The following ERICH3 variants were observed in gnomAD, a reference collection of about 807,000 sequenced individuals.
ERICH3 encodes glutamate rich 3.
A neutral mutation model predicts 131.1 loss-of-function variants in ERICH3; 126 were observed. The observed-to-expected ratio is 0.96, with a 90% CI of 0.83 to 1.11. ERICH3 has a LOEUF of 1.11. Among genes scored for constraint, ERICH3 ranks in the 50% most tolerant of loss-of-function variants. ERICH3 has a pLI of 0.00. For synonymous variants in ERICH3, 695 were observed against 644.6 expected (o/e 1.08, Z -1.18); for missense variants, 2,050 against 1,810.7 (o/e 1.13, Z -2.40).
At chr1:74,597,520 T>C (rs1647911505) in intron 11 of ERICH3, among the ~76,000 whole-genome samples, 1 of 152,042 alleles carries the variant, frequency 6.6e-6, no homozygotes, top group East Asian at 1.9e-4. Flanking sequence ...TTTCATTGCA[T>C]ATCTATTTAA....
Position 74,606,839 on chromosome 1 carries a change from G to A in ERICH3, c.1251C>T (p.Ser417=). Residue 417 remains serine (S), a synonymous_variant, in exon 10 of 15, where the codon AGC becomes AGT. Coordinates refer to ENST00000326665, the MANE Select transcript of ERICH3 (RefSeq NM_001002912.5). The part of the protein sequence containing the change: ...PSLPKSRKEK[S]TEKGEELKKA... ...TCTTCAGTTCCTCTCCTTTCTCAGT[G>A]CTCTTTTCTTTCCTAGATTTCGGCA... is the stretch of plus-strand genomic sequence containing the variant. The A allele has an allele frequency of 1.9e-6, 3 of 1,612,688 alleles. No homozygotes were observed. The highest frequency in any genetic ancestry group is 2.5e-6 in the Non-Finnish European group (3 of 1,179,328).
At chr1:74,603,140 AC>A (rs1648224245) in intron 10 of ERICH3, among the ~76,000 whole-genome samples, 1 of 151,810 alleles carries the variant, frequency 6.6e-6, no homozygotes, top group Non-Finnish European at 1.5e-5. Context: ...AGGTACCCCA[AC>A]CCATGGTTAT....
intron 4 of ERICH3, among the ~76,000 whole-genome samples, chr1:74,641,765 A>G (rs1330497584): frequency 6.6e-6 from 1 of 152,130 alleles, no homozygotes; most frequent in Non-Finnish European, 1.5e-5. Context: ...GACTACCAGA[A>G]ATAGTACTTT....
intron 6 of ERICH3, among the ~76,000 whole-genome samples, chr1:74,634,511 A>G (rs1395661475): frequency 6.6e-6 from 1 of 152,082 alleles, no homozygotes; most frequent in Non-Finnish European, 1.5e-5. Context: ...GGCTCAGAAC[A>G]GATTTGAAGA....
chr1:74,654,143 A>C (rs558262992), intron 1 of ERICH3, among the ~76,000 whole-genome samples: 3 of 152,198 alleles, frequency 2.0e-5, no homozygotes, highest in African/African-American at 7.2e-5. Context: ...TGTAGTCTCT[A>C]AGAAGATGGA....
chr1:74,640,734 A>C (rs1402221629), intron 5 of ERICH3, among the ~76,000 whole-genome samples: 1 of 152,160 alleles, frequency 6.6e-6, no homozygotes, highest in African/African-American at 2.4e-5. Context: ...CTTCAGATAG[A>C]ATTTCTGTAC....
intron 11 of ERICH3, among the ~76,000 whole-genome samples, chr1:74,590,887 AT>A (rs541863002): frequency 4.6e-5 from 7 of 152,308 alleles, no homozygotes; most frequent in South Asian, 2.1e-4. Flanking sequence ...TTTGAAAGCC[AT>A]TTTTTATTGA....
chr1:74,593,796 C>T (rs980358270), intron 11 of ERICH3, among the ~76,000 whole-genome samples: 1 of 152,068 alleles, frequency 6.6e-6, no homozygotes, highest in Non-Finnish European at 1.5e-5. Flanking sequence ...TTCAACAGTA[C>T]CCAATGTCCA....
intron 10 of ERICH3, among the ~76,000 whole-genome samples, chr1:74,605,846 G>A (rs1460168751): frequency 2.0e-5 from 3 of 151,890 alleles, no homozygotes; most frequent in African/African-American, 4.8e-5. Context: ...AGCACATGCT[G>A]TTGGAAAAAT....
In ERICH3 at chr1:74,573,249, A is replaced by G; in HGVS notation, c.2461T>C (p.Leu821=). ...CTTTTTTCTGTAAACTCTTCTGCCA[A>G]TTCTGGCTGCTCTGCTGTTGGCTTC... ...AWKPTAEQPE[L]AEEFTEKREI... is the part of the protein sequence containing the mutation. The change falls in exon 14 of 15, where the codon TTG becomes CTG. Residue 821 remains leucine, a synonymous_variant. Transcript: ENST00000326665. 3 of 1,600,738 alleles carry G rather than the reference A, an allele frequency of 1.9e-6. No homozygotes were observed. The highest frequency in any genetic ancestry group is 1.1e-5 in the South Asian group (1 of 88,448).
intron 1 of ERICH3, among the ~76,000 whole-genome samples, chr1:74,650,700 T>C (rs1030232453): frequency 1.3e-5 from 2 of 152,160 alleles, no homozygotes; most frequent in African/African-American, 4.8e-5. Flanking sequence ...CTGACAACAC[T>C]ACTCAGAACA....
chr1:74,580,012 CAA>C (rs1557666325), intron 12 of ERICH3: 1 of 486,312 alleles, frequency 2.1e-6, no homozygotes, highest in African/African-American at 2.1e-5. Context: ...AGTATAAAAA[CAA>C]ATATATTTTA....
chr1:74,623,674 C>T (rs978090618), intron 7 of ERICH3: 6 of 152,168 alleles, frequency 3.9e-5, no homozygotes, highest in African/African-American at 1.4e-4. Flanking sequence ...TGATATCCCT[C>T]AAAATCTCCC....
Position 74,599,675 on chromosome 1 carries a change from T to A in ERICH3, c.1726+20A>T, listed in dbSNP as rs745977461. The A allele has an allele frequency of 6.4e-7, 1 of 1,564,288 alleles. No individual in the cohort carries two copies. On this transcript the variant is annotated intron_variant, in intron 11 of 14. Transcript: ENST00000326665. ...CACTCAGTAAACAGCCTATGTTACA[T>A]GATAAGCTGAACAACTCGCCTTGTT...
rs1646919353 is a variant in ERICH3 at position 74,570,180 on chromosome 1, G to A, written c.*278C>T. On this transcript the variant is annotated 3_prime_UTR_variant, in exon 15 of 15. Coordinates refer to ENST00000326665, the MANE Select transcript of ERICH3 (RefSeq NM_001002912.5). Reference sequence around the variant, plus strand: ...ATTATCATTTTTGTTTGAAAATAATGTTAGGTGTGTAGAATGTGTAACAGC... The same window carrying A: ...ATTATCATTTTTGTTTGAAAATAATATTAGGTGTGTAGAATGTGTAACAGC... 1 of 152,286 alleles carries A rather than the reference G, an allele frequency of 6.6e-6. No individual in the cohort carries two copies. Among genetic ancestry groups the A allele is most frequent in the South Asian group, 2.1e-4 (1 of 4,820 alleles). The allele number at this position is 152,286 out of a possible 1,614,324, so 9.4% of individuals were successfully genotyped here.
intron 3 of ERICH3, among the ~76,000 whole-genome samples, chr1:74,644,739 T>A (rs756363198): frequency 3.3e-5 from 5 of 152,086 alleles, no homozygotes; most frequent in African/African-American, 1.2e-4. Context: ...AGCTTCCTAA[T>A]TGACCTCCCA....
chr1:74,607,327 C>T (rs1277160926), intron 9 of ERICH3, among the ~76,000 whole-genome samples: 1 of 151,836 alleles, frequency 6.6e-6, no homozygotes, highest in African/African-American at 2.4e-5. Flanking sequence ...GATAATAGAA[C>T]ATGCAGATTT....
At chr1:74,626,779 G>A (rs1459794786) in intron 7 of ERICH3, among the ~76,000 whole-genome samples, 1 of 152,038 alleles carries the variant, frequency 6.6e-6, no homozygotes, top group African/African-American at 2.4e-5. Context: ...AACAAAACAG[G>A]ACAAAGCAAC....
In ERICH3 at chr1:74,573,268, T is replaced by G; in HGVS notation, c.2442A>C (p.Pro814=). Residue 814 remains proline, a synonymous_variant, in exon 14 of 15, where the codon CCA becomes CCC. Coordinates refer to ENST00000326665, the MANE Select transcript of ERICH3 (RefSeq NM_001002912.5). ...CTGCCAATTCTGGCTGCTCTGCTGTTGGCTTCCACGCCCTCAAGGGAGCCT... is the reference window on the plus strand; with the variant it reads ...CTGCCAATTCTGGCTGCTCTGCTGTGGGCTTCCACGCCCTCAAGGGAGCCT... The part of the protein sequence containing the change: ...VHEAPLRAWK[P]TAEQPELAEE... 6.3e-7 allele frequency: 1 copy of G among 1,599,762 alleles called. No homozygotes were observed. Among genetic ancestry groups the G allele is most frequent in the Non-Finnish European group, 8.5e-7 (1 of 1,174,236 alleles).
Sources: gnomAD v4.1 joint callset for allele counts (sites outside exome capture counted in the v4.1 genomes callset) on GRCh38, gnomAD v4.1.1 for gene constraint, MANE v1.5 for transcripts, NCBI Gene and HGNC (gene_info 2026-07-23, HGNC 2026-07-21) for gene names.